LMBR1: variants seen among roughly 807,000 people sequenced by gnomAD.
LMBR1 encodes limb region 1 protein homolog.
In LMBR1, 52 loss-of-function variants were observed where a neutral mutation model predicts 73.9. The observed-to-expected ratio is 0.70, with a 90% CI of 0.56 to 0.89. The LOEUF (loss-of-function observed/expected upper bound fraction) is 0.89, where lower values mean the gene tolerates loss of function less well. Among genes scored for constraint, LMBR1 ranks in the 40% least tolerant of loss-of-function variants. The pLI is 0.00. For missense variants in LMBR1, 539 were observed against 579.8 expected (o/e 0.93, Z 0.72); for synonymous variants, 215 against 209.4 (o/e 1.03, Z -0.23).
chr7:156,812,956 T>C (rs1833349804), intron 4 of LMBR1, among the ~76,000 whole-genome samples: 1 of 152,174 alleles, frequency 6.6e-6, no homozygotes, highest in Admixed American at 6.5e-5. Context: ...CCCCCATCTC[T>C]GGGGATTATT....
At chr7:156,768,535 A>C (rs1305293708) in intron 5 of LMBR1, among the ~76,000 whole-genome samples, 1 of 152,134 alleles carries the variant, frequency 6.6e-6, no homozygotes, top group African/African-American at 2.4e-5. Context: ...TCAGCTTCTG[A>C]TGCAGCCAAA....
chr7:156,777,516 A>G (rs1826366830), intron 5 of LMBR1, among the ~76,000 whole-genome samples: 1 of 152,220 alleles, frequency 6.6e-6, no homozygotes, highest in Admixed American at 6.5e-5. Flanking sequence ...GTCAACCTGC[A>G]TCATAATTAC....
chr7:156,805,492 AG>A, intron 4 of LMBR1, among the ~76,000 whole-genome samples: 1 of 152,338 alleles, frequency 6.6e-6, no homozygotes, highest in East Asian at 1.9e-4. Context: ...CTGGGATTAC[AG>A]GCATAAGCCA....
chr7:156,836,921 T>G (rs1178749109), intron 1 of LMBR1, 36 bp from the exon 2 acceptor site: 2 of 1,337,252 alleles, frequency 1.5e-6, no homozygotes, highest in Non-Finnish European at 2.1e-6. Context: ...CATTTACTTT[T>G]TTGCATATCT....
At chr7:156,857,474 T>C (rs1797130275) in intron 1 of LMBR1, among the ~76,000 whole-genome samples, 1 of 152,198 alleles carries the variant, frequency 6.6e-6, no homozygotes, top group African/African-American at 2.4e-5. Flanking sequence ...GACAAAAATG[T>C]AAACAGAAAT....
chr7:156,716,847 G>A (rs904011869), intron 15 of LMBR1, among the ~76,000 whole-genome samples: 1 of 152,096 alleles, frequency 6.6e-6, no homozygotes, highest in African/African-American at 2.4e-5. Flanking sequence ...GGCCAGGTGC[G>A]GTGGTTCACA....
chr7:156,844,483 G>C (rs1420588894), intron 1 of LMBR1, among the ~76,000 whole-genome samples: 1 of 152,100 alleles, frequency 6.6e-6, no homozygotes, highest in Non-Finnish European at 1.5e-5. Context: ...CAGAGTCAGA[G>C]GGATGAGTGA....
intron 1 of LMBR1, among the ~76,000 whole-genome samples, chr7:156,841,875 A>T (rs552366990): frequency 7.2e-5 from 11 of 152,192 alleles, no homozygotes; most frequent in African/African-American, 2.2e-4. Flanking sequence ...TGTTTTTTTA[A>T]AAAATGAAAA....
intron 4 of LMBR1, among the ~76,000 whole-genome samples, chr7:156,821,233 G>A (rs945421614): frequency 2.0e-5 from 3 of 152,202 alleles, no homozygotes; most frequent in Non-Finnish European, 2.9e-5. Flanking sequence ...AAGAAGTGCC[G>A]CCAATGCCGA....
chr7:156,788,669 A>T (rs1000694809), intron 5 of LMBR1, among the ~76,000 whole-genome samples: 3 of 152,140 alleles, frequency 2.0e-5, no homozygotes, highest in South Asian at 2.1e-4. Context: ...ATTTTTATTT[A>T]AAAAAATAAG....
intron 15 of LMBR1, among the ~76,000 whole-genome samples, chr7:156,713,003 A>G (rs889720130): frequency 3.3e-5 from 5 of 152,204 alleles, no homozygotes. Context: ...ACCCCTGTAA[A>G]TTTATACAAA....
chr7:156,771,450 C>G (rs924853444), intron 5 of LMBR1, among the ~76,000 whole-genome samples: 3 of 152,162 alleles, frequency 2.0e-5, no homozygotes, highest in African/African-American at 7.2e-5. Context: ...TGAACACTTT[C>G]ATGCATACAA....
intron 4 of LMBR1, among the ~76,000 whole-genome samples, chr7:156,810,499 T>A (rs1359852073): frequency 6.6e-6 from 1 of 152,128 alleles, no homozygotes; most frequent in Non-Finnish European, 1.5e-5. Flanking sequence ...TTGAAGTGAT[T>A]CTCCTGCCTC....
intron 1 of LMBR1, among the ~76,000 whole-genome samples, chr7:156,873,145 A>G (rs574096499): frequency 1.3e-5 from 2 of 152,292 alleles, no homozygotes; most frequent in East Asian, 3.9e-4. Context: ...ACAGCTCTTA[A>G]GGTGGCGCGT....
intron 15 of LMBR1, among the ~76,000 whole-genome samples, chr7:156,710,740 C>T (rs570276457): frequency 4.7e-4 from 71 of 152,166 alleles, no homozygotes; most frequent in East Asian, 1.9e-4. Context: ...AAAGTCAAAA[C>T]GAAGGAAAGA....
At chr7:156,864,777 C>G (rs1472602110) in intron 1 of LMBR1, among the ~76,000 whole-genome samples, 1 of 152,012 alleles carries the variant, frequency 6.6e-6, no homozygotes, top group African/African-American at 2.4e-5. Context: ...ACGGGTGGAT[C>G]ACGAGGTCAA....
At chr7:156,767,360 T>C (rs1485169491) in intron 5 of LMBR1, among the ~76,000 whole-genome samples, 1 of 152,116 alleles carries the variant, frequency 6.6e-6, no homozygotes, top group Non-Finnish European at 1.5e-5. Flanking sequence ...TAACGATATA[T>C]ATAGTTATAA....
intron 1 of LMBR1, among the ~76,000 whole-genome samples, chr7:156,870,635 G>A (rs1348406413): frequency 6.6e-6 from 1 of 151,770 alleles, no homozygotes; most frequent in Non-Finnish European, 1.5e-5. Flanking sequence ...CGTGGCAGCA[G>A]GCGCCTGTAA....
chr7:156,673,575 G>A (rs1803084461), downstream of LMBR1, among the ~76,000 whole-genome samples: 4 of 152,208 alleles, frequency 2.6e-5, no homozygotes, highest in South Asian at 8.3e-4. Flanking sequence ...CTTCCACCAG[G>A]CTTCCAAGTA....
Sources: gnomAD v4.1 joint callset for allele counts (sites outside exome capture counted in the v4.1 genomes callset) on GRCh38, gnomAD v4.1.1 for gene constraint, MANE v1.5 for transcripts, NCBI Gene and HGNC (gene_info 2026-07-23, HGNC 2026-07-21) for gene names.